Variants in MAP2 observed in about 807,000 individuals in gnomAD.
MAP2 encodes the protein microtubule associated protein 2, also known as microtubule-associated protein 2.
MAP2 carries 14 observed loss-of-function variants against 137.6 expected under a neutral mutation model. The observed-to-expected ratio is 0.10, with a 90% confidence interval of 0.07 to 0.16. The LOEUF (loss-of-function observed/expected upper bound fraction) is 0.16, where lower values mean the gene tolerates loss of function less well. MAP2 is among the 10% of genes least tolerant of loss of function. The probability of loss-of-function intolerance (pLI) is 1.00; values close to 1 mark genes in which losing one functional copy is unlikely to be tolerated. For missense variants in MAP2, 2,088 were observed against 2,191.5 expected, an observed-to-expected ratio of 0.95 and a Z score of 0.94; for synonymous variants, 786 against 782.3, an observed-to-expected ratio of 1.00 and a Z score of -0.08.
chr2:209,705,520 C>T, intron 11 of MAP2, 60 bp from the exon 12 acceptor site: 1 of 1,423,464 alleles, frequency 7.0e-7, no homozygotes, highest in South Asian at 1.5e-5. Context: ...AAATCAATAT[C>T]ACTTCGTATA....
At chr2:209,490,507 C>T (rs374568272) in intron 1 of MAP2, among the ~76,000 whole-genome samples, 12 of 147,488 alleles carry the variant, frequency 8.1e-5, no homozygotes, top group East Asian at 2.1e-4. Context: ...AGTCAAGACC[C>T]GCTGGTGTGC....
chr2:209,507,460 T>C lies in MAP2; in HGVS notation c.-221-132T>C, dbSNP rs538476015. 3 of 152,302 alleles carry C rather than the reference T, an allele frequency of 2.0e-5. No homozygotes were observed. In the South Asian group the frequency reaches 6.2e-4, roughly 32 times the overall value. The allele number at this position is 152,302 out of a possible 1,614,324, so 9.4% of individuals were successfully genotyped here. A position where few individuals can be genotyped will look rare whatever the true frequency, so the allele number is the denominator to read the frequency against. On this transcript the variant is annotated intron_variant, in intron 1 of 15. Transcript: ENST00000682079. ...ATAACCGTCACGTATTGTAAATGGA[T>C]GTGTTTCAGTCAGTGCATTTTATGG...
At chr2:209,546,464 G>C (rs2068090171) in intron 2 of MAP2, among the ~76,000 whole-genome samples, 1 of 152,188 alleles carries the variant, frequency 6.6e-6, no homozygotes, top group South Asian at 2.1e-4. Context: ...TGTGGAGTCA[G>C]TGTCTGGACA....
At chr2:209,601,037 C>T (rs1283661975) in intron 3 of MAP2, among the ~76,000 whole-genome samples, 1 of 152,248 alleles carries the variant, frequency 6.6e-6, no homozygotes, top group East Asian at 1.9e-4. Context: ...TGTCAAGTTG[C>T]TCTGTAGGCA....
intron 12 of MAP2, among the ~76,000 whole-genome samples, chr2:209,707,598 A>C (rs74387448): frequency 6.6e-6 from 1 of 152,164 alleles, no homozygotes; most frequent in African/African-American, 2.4e-5. Context: ...CAGTTTAATC[A>C]ATTAACTTGT....
intron 2 of MAP2, among the ~76,000 whole-genome samples, chr2:209,514,547 A>G (rs920002910): frequency 2.6e-5 from 4 of 152,154 alleles, no homozygotes; most frequent in Non-Finnish European, 4.4e-5. Flanking sequence ...CCCATTCCAA[A>G]GAATAACACA....
rs534871386 is a variant in MAP2 at position 209,733,338 on chromosome 2, G to A, written c.*2941G>A. 4 of 152,486 alleles carry A rather than the reference G, an allele frequency of 2.6e-5. No individual in the cohort carries two copies. Among genetic ancestry groups the A allele is most frequent in the East Asian group, 1.9e-4 (1 of 5,190 alleles). 9.4% of individuals were successfully genotyped at this position (152,486 alleles called of 1,614,324 possible). A position where few individuals can be genotyped will look rare whatever the true frequency, so the allele number is the denominator to read the frequency against. ...GATTTACCTGCTGAGTTCCAGCAGC[G>A]TGATGGGCTGACATCCCACCTACAA... is the stretch of plus-strand genomic sequence containing the variant. On this transcript the variant is annotated 3_prime_UTR_variant, in exon 16 of 16. Transcript: ENST00000682079.
intron 13 of MAP2, among the ~76,000 whole-genome samples, chr2:209,711,099 A>T (rs888866744): frequency 2.0e-5 from 3 of 152,190 alleles, no homozygotes; most frequent in Non-Finnish European, 4.4e-5. Context: ...ATAAAACAAC[A>T]TCCTTTTTTG....
At chr2:209,454,509 TA>T (rs1701081149) in intron 1 of MAP2, among the ~76,000 whole-genome samples, 1 of 152,000 alleles carries the variant, frequency 6.6e-6, no homozygotes, top group South Asian at 2.1e-4. Flanking sequence ...CTAGTTTTTG[TA>T]TTTTTTAGTA....
At chr2:209,574,159 G>C (rs1398629293) in intron 2 of MAP2, among the ~76,000 whole-genome samples, 1 of 151,990 alleles carries the variant, frequency 6.6e-6, no homozygotes, top group Non-Finnish European at 1.5e-5. Flanking sequence ...CATTCTACAT[G>C]ATGCTATTTG....
intron 7 of MAP2, among the ~76,000 whole-genome samples, chr2:209,683,781 C>T (rs923591347): frequency 3.3e-5 from 5 of 152,154 alleles, no homozygotes; most frequent in Admixed American, 2.6e-4. Flanking sequence ...GTGACTGCTG[C>T]AGTCTGATCC....
intron 3 of MAP2, among the ~76,000 whole-genome samples, chr2:209,589,037 A>C (rs1413146073): frequency 6.6e-6 from 1 of 152,130 alleles, no homozygotes; most frequent in African/African-American, 2.4e-5. Context: ...TTAAGCATGC[A>C]ATGTTTGCAT....
At chr2:209,536,514 G>T (rs1349170435) in intron 2 of MAP2, among the ~76,000 whole-genome samples, 1 of 152,102 alleles carries the variant, frequency 6.6e-6, no homozygotes, top group East Asian at 1.9e-4. Flanking sequence ...CCTTGGAACT[G>T]CCCTCCACAC....
At chr2:209,649,024 A>C (rs918100502) in intron 4 of MAP2, among the ~76,000 whole-genome samples, 1 of 152,018 alleles carries the variant, frequency 6.6e-6, no homozygotes, top group African/African-American at 2.4e-5. Flanking sequence ...CTTTGTCTTC[A>C]CTTTTTTATT....
intron 2 of MAP2, among the ~76,000 whole-genome samples, chr2:209,515,155 C>A (rs1485933349): frequency 6.6e-6 from 1 of 152,058 alleles, no homozygotes; most frequent in Non-Finnish European, 1.5e-5. Flanking sequence ...TCGACCATTT[C>A]AAATCTAATT....
At position 209,733,017 on chromosome 2, in the gene MAP2, GC is replaced by G. The variant is rs769516514; in HGVS notation, c.*2621del. The G allele has an allele frequency of 3.9e-5, 6 of 152,524 alleles. No individual in the cohort carries two copies. Among genetic ancestry groups the G allele is most frequent in the Non-Finnish European group, 8.8e-5 (6 of 68,030 alleles). 9.4% of individuals were successfully genotyped at this position (152,524 alleles called of 1,614,324 possible). On this transcript the variant is annotated 3_prime_UTR_variant, in exon 16 of 16. Coordinates refer to ENST00000682079, the MANE Select transcript of MAP2 (RefSeq NM_001375505.1). ...CTCTCAAGATAACGACTCAAATTAA[GC>G]TTTTTGAGCACCACTCTTGTGGGGA...
chr2:209,682,634 G>T (rs577365075), intron 7 of MAP2, among the ~76,000 whole-genome samples: 1 of 152,204 alleles, frequency 6.6e-6, no homozygotes, highest in Admixed American at 6.5e-5. Context: ...GATTTTATTG[G>T]GTGGTGAGGG....
At chr2:209,433,061 A>T (rs1694751439) in intron 1 of MAP2, among the ~76,000 whole-genome samples, 3 of 152,108 alleles carry the variant, frequency 2.0e-5, no homozygotes, top group Non-Finnish European at 4.4e-5. Context: ...TTTATTAAAC[A>T]CATGGTTATT....
chr2:209,709,732 A>G (rs1655812152), intron 12 of MAP2, among the ~76,000 whole-genome samples, 182 bp from the exon 13 acceptor site: 1 of 152,162 alleles, frequency 6.6e-6, no homozygotes, highest in Non-Finnish European at 1.5e-5. Context: ...AAAGAATGCC[A>G]CCGGGTTATG....
Sources: allele counts gnomAD v4.1 joint callset (sites outside exome capture counted in the v4.1 genomes callset), GRCh38; gene constraint gnomAD v4.1.1; transcripts MANE v1.5; gene names NCBI Gene and HGNC (gene_info 2026-07-23, HGNC 2026-07-21).